The following MAP3K5 variants were observed in gnomAD, a reference collection of about 807,000 sequenced individuals.
The protein encoded by MAP3K5 is ASK-1.
MAP3K5 carries 56 observed loss-of-function variants against 158.7 expected under a neutral mutation model. The ratio of observed to expected loss-of-function variants is 0.35; its 90% confidence interval spans 0.28 to 0.44. The LOEUF (loss-of-function observed/expected upper bound fraction) is 0.44. Ranked by LOEUF, MAP3K5 falls within the 20% of genes least tolerant of loss-of-function variation. MAP3K5 has a pLI of 1.00. For synonymous variants in MAP3K5, 579 were observed against 601.7 expected (o/e 0.96, Z 0.55); for missense variants, 1,294 against 1,674.8 (o/e 0.77, Z 3.97).
intron 10 of MAP3K5, among the ~76,000 whole-genome samples, chr6:136,652,960 A>C (rs1330759230): frequency 1.3e-5 from 2 of 152,244 alleles, no homozygotes; most frequent in African/African-American, 4.8e-5. Flanking sequence ...GATATACCTC[A>C]CTTATGAGTT....
At chr6:136,646,178 T>G (rs933894614) in intron 11 of MAP3K5, among the ~76,000 whole-genome samples, 3 of 152,198 alleles carry the variant, frequency 2.0e-5, no homozygotes, top group Non-Finnish European at 4.4e-5. Context: ...AAAGCTTCAA[T>G]TTTTGAACAA....
intron 1 of MAP3K5, among the ~76,000 whole-genome samples, chr6:136,740,023 G>A (rs987158558): frequency 6.6e-6 from 1 of 152,152 alleles, no homozygotes; most frequent in Non-Finnish European, 1.5e-5. Context: ...GCTTCCACAG[G>A]ATGAAGACCC....
chr6:136,679,536 G>A (rs1397244834), intron 7 of MAP3K5, among the ~76,000 whole-genome samples: 1 of 152,146 alleles, frequency 6.6e-6, no homozygotes, highest in Admixed American at 6.5e-5. Flanking sequence ...GAATCACCCT[G>A]CTGCTGTGAT....
chr6:136,607,474 C>T (rs1221808810), intron 18 of MAP3K5, among the ~76,000 whole-genome samples: 1 of 152,148 alleles, frequency 6.6e-6, no homozygotes, highest in Non-Finnish European at 1.5e-5. Context: ...TCCACAAATA[C>T]ATGACACATA....
chr6:136,642,871 TAA>T (rs567464626), intron 11 of MAP3K5, among the ~76,000 whole-genome samples: 1 of 152,108 alleles, frequency 6.6e-6, no homozygotes, highest in Non-Finnish European at 1.5e-5. Context: ...AATTTTTAAG[TAA>T]AAAAAGTCAA....
chr6:136,621,432 A>G (rs1364515780), intron 15 of MAP3K5, among the ~76,000 whole-genome samples: 1 of 152,124 alleles, frequency 6.6e-6, no homozygotes, highest in Non-Finnish European at 1.5e-5. Context: ...GACACTTGCT[A>G]TGTTGCTTAA....
chr6:136,780,530 AGTT>A (rs1387558005), intron 1 of MAP3K5, among the ~76,000 whole-genome samples: 1 of 152,092 alleles, frequency 6.6e-6, no homozygotes, highest in Non-Finnish European at 1.5e-5. Context: ...ATTTGTAGAG[AGTT>A]GTTATTTTAG....
intron 1 of MAP3K5, among the ~76,000 whole-genome samples, chr6:136,765,793 G>C (rs1327597079): frequency 1.3e-5 from 2 of 150,124 alleles, no homozygotes. Flanking sequence ...ACCTCCCAAA[G>C]TGCTGGGATT....
rs553223085 is a variant in MAP3K5, at chr6:136,615,527, A to C, written c.2151-1241T>G. ...GATTTTTCAGAAGGTCAGATCTTACAAGTAAACTGCTTAGTTTTGGTTTGG... is the reference window on the plus strand; with the variant it reads ...GATTTTTCAGAAGGTCAGATCTTACCAGTAAACTGCTTAGTTTTGGTTTGG... On this transcript the variant is annotated intron_variant, in intron 15 of 29. Transcript: ENST00000359015. 9.2e-5 allele frequency among the ~76,000 whole-genome samples: 14 copies of C among 152,252 alleles called. No homozygotes were observed. In the South Asian group the frequency reaches 1.0e-3, roughly 11 times the overall value.
intron 1 of MAP3K5, among the ~76,000 whole-genome samples, chr6:136,770,862 G>A (rs993485848): frequency 2.6e-5 from 4 of 151,970 alleles, no homozygotes; most frequent in Non-Finnish European, 5.9e-5. Flanking sequence ...AATCTGTCAG[G>A]AATTCACACA....
intron 14 of MAP3K5, chr6:136,630,430 T>C (rs1036378224): frequency 1.3e-5 from 2 of 151,838 alleles, no homozygotes; most frequent in Non-Finnish European, 2.9e-5. Flanking sequence ...TGTCCAAAAA[T>C]ATGTGAGTGC....
intron 25 of MAP3K5, among the ~76,000 whole-genome samples, chr6:136,576,212 G>A (rs879703400): frequency 6.6e-6 from 1 of 152,006 alleles, no homozygotes; most frequent in Non-Finnish European, 1.5e-5. Flanking sequence ...TTCTGGCTTG[G>A]ACTGTTTGGA....
chr6:136,677,419 G>A (rs915067125), intron 7 of MAP3K5, among the ~76,000 whole-genome samples: 1 of 152,166 alleles, frequency 6.6e-6, no homozygotes, highest in African/African-American at 2.4e-5. Context: ...TTACAGGCGT[G>A]GGCCACCGTA....
intron 1 of MAP3K5, among the ~76,000 whole-genome samples, chr6:136,787,148 A>G (rs1446362838): frequency 6.6e-6 from 1 of 152,014 alleles, no homozygotes; most frequent in Non-Finnish European, 1.5e-5. Flanking sequence ...GGATAGCTTG[A>G]GCCCAGGAAA....
intron 25 of MAP3K5, among the ~76,000 whole-genome samples, chr6:136,576,580 T>C (rs1022236764): frequency 6.6e-6 from 1 of 152,186 alleles, no homozygotes; most frequent in Non-Finnish European, 1.5e-5. Context: ...GCCTTAGGAT[T>C]ACAGGGGTGA....
chr6:136,776,418 T>C (rs1784406376), intron 1 of MAP3K5, among the ~76,000 whole-genome samples: 1 of 152,118 alleles, frequency 6.6e-6, no homozygotes, highest in African/African-American at 2.4e-5. Flanking sequence ...CAAATTTTTA[T>C]ATTTTTTGTA....
chr6:136,654,750 C>T (rs1778670504), intron 10 of MAP3K5, among the ~76,000 whole-genome samples: 1 of 151,990 alleles, frequency 6.6e-6, no homozygotes, highest in Admixed American at 6.6e-5. Flanking sequence ...CTGGCCTCTT[C>T]TTATTTTATT....
intron 1 of MAP3K5, among the ~76,000 whole-genome samples, chr6:136,787,951 A>G (rs544649946): frequency 6.6e-6 from 1 of 152,348 alleles, no homozygotes; most frequent in East Asian, 1.9e-4. Flanking sequence ...TGGTTTTTAC[A>G]TTTTAAAATG....
chr6:136,769,815 AC>A (rs1562691312), intron 1 of MAP3K5, among the ~76,000 whole-genome samples: 333 of 13,346 alleles, frequency 0.025, no homozygotes, highest in Non-Finnish European at 0.028. Flanking sequence ...GAGGGAGGGG[AC>A]GGGAGGGAGG....
Sources: gnomAD v4.1 joint callset for allele counts (sites outside exome capture counted in the v4.1 genomes callset) on GRCh38, gnomAD v4.1.1 for gene constraint, MANE v1.5 for transcripts, NCBI Gene and HGNC (gene_info 2026-07-23, HGNC 2026-07-21) for gene names.